Variants in KCNH5 observed in about 807,000 individuals in gnomAD.
KCNH5 encodes potassium voltage-gated channel subfamily H member 5, also known as voltage-gated delayed rectifier potassium channel KCNH5.
Under a neutral mutation model 96.1 loss-of-function variants are expected in KCNH5, and 46 were observed. The ratio of observed to expected loss-of-function variants is 0.48; its 90% CI spans 0.38 to 0.61. The LOEUF (loss-of-function observed/expected upper bound fraction) is 0.61, where lower values mean the gene tolerates loss of function less well. Ranked by LOEUF, KCNH5 falls within the 20% of genes least tolerant of loss-of-function variation. KCNH5 has a pLI of 0.00. For missense variants in KCNH5, 907 were observed against 1,225.8 expected (o/e 0.74, Z 3.88); for synonymous variants, 439 against 449.8 (o/e 0.98, Z 0.30).
chr14:62,727,768 A>G (rs1448554368), intron 10 of KCNH5, among the ~76,000 whole-genome samples: 3 of 148,350 alleles, frequency 2.0e-5, no homozygotes, highest in African/African-American at 7.5e-5. Flanking sequence ...CACTGCTTAC[A>G]GTCTGGTAAA....
chr14:62,863,115 C>A (rs1257779601), intron 7 of KCNH5, among the ~76,000 whole-genome samples: 1 of 152,158 alleles, frequency 6.6e-6, no homozygotes, highest in Non-Finnish European at 1.5e-5. Flanking sequence ...AAATATTAAT[C>A]ATTCATCTTG....
intron 7 of KCNH5, among the ~76,000 whole-genome samples, chr14:62,870,566 T>G (rs912617946): frequency 6.6e-6 from 1 of 152,230 alleles, no homozygotes; most frequent in Non-Finnish European, 1.5e-5. Flanking sequence ...TAAGTTTTAT[T>G]CTATTTATAA....
intron 6 of KCNH5, among the ~76,000 whole-genome samples, chr14:62,961,212 C>T (rs1249333362): frequency 1.3e-5 from 2 of 152,138 alleles, no homozygotes; most frequent in Non-Finnish European, 2.9e-5. Flanking sequence ...TTAACACAAC[C>T]TACCCCTGCC....
At chr14:62,825,680 A>G (rs1475194315) in intron 8 of KCNH5, among the ~76,000 whole-genome samples, 1 of 152,140 alleles carries the variant, frequency 6.6e-6, no homozygotes, top group Non-Finnish European at 1.5e-5. Context: ...TTTAAAATAT[A>G]GTCTATATAT....
At chr14:63,019,130 T>C (rs1471864303) in intron 1 of KCNH5, among the ~76,000 whole-genome samples, 1 of 151,454 alleles carries the variant, frequency 6.6e-6, no homozygotes, top group African/African-American at 2.4e-5. Context: ...ACACATGTTA[T>C]TGGACGATAT....
At chr14:62,750,373 T>G (rs753668136) in intron 10 of KCNH5, among the ~76,000 whole-genome samples, 29 of 152,206 alleles carry the variant, frequency 1.9e-4, no homozygotes, top group Admixed American at 1.4e-3. Context: ...TTTGCTGTCA[T>G]TGACAAGCCA....
At chr14:62,816,734 G>A (rs1343407918) in intron 8 of KCNH5, among the ~76,000 whole-genome samples, 5 of 151,874 alleles carry the variant, frequency 3.3e-5, no homozygotes, top group South Asian at 4.2e-4. Flanking sequence ...AAATATAATT[G>A]ACATATAGTA....
At chr14:62,858,531 C>A (rs1389876844) in intron 7 of KCNH5, among the ~76,000 whole-genome samples, 1 of 152,184 alleles carries the variant, frequency 6.6e-6, no homozygotes, top group Non-Finnish European at 1.5e-5. Flanking sequence ...AGCCTGTTGA[C>A]TTAAAGGTAG....
chr14:62,999,641 C>T (rs191217388), intron 4 of KCNH5, among the ~76,000 whole-genome samples: 2 of 141,162 alleles, frequency 1.4e-5, no homozygotes, highest in African/African-American at 2.7e-5. Flanking sequence ...CATGTTCTCA[C>T]TCATAGATGG....
At chr14:62,758,911 T>C (rs895535532) in intron 10 of KCNH5, among the ~76,000 whole-genome samples, 3 of 152,224 alleles carry the variant, frequency 2.0e-5, no homozygotes, top group South Asian at 2.1e-4. Flanking sequence ...ATGTTCAGTT[T>C]ATTTTATATG....
At chr14:62,938,807 C>T (rs759565432) in intron 7 of KCNH5, among the ~76,000 whole-genome samples, 9 of 152,172 alleles carry the variant, frequency 5.9e-5, no homozygotes, top group Middle Eastern at 3.2e-3. Context: ...CTGACTAAAA[C>T]GTCTGTTCTA....
At chr14:62,785,402 A>T (rs1886301008) in intron 9 of KCNH5, among the ~76,000 whole-genome samples, 1 of 152,186 alleles carries the variant, frequency 6.6e-6, no homozygotes, top group African/African-American at 2.4e-5. Context: ...ACTGTACAAA[A>T]GATTTTGCAC....
chr14:62,833,562 G>A (rs1000456951), intron 8 of KCNH5, among the ~76,000 whole-genome samples: 3 of 152,030 alleles, frequency 2.0e-5, no homozygotes, highest in Admixed American at 6.5e-5. Flanking sequence ...ATCAGTAAGT[G>A]TAATGCCTTT....
In KCNH5 at chr14:62,957,297, C is replaced by T. The variant is rs149422679; in HGVS notation, c.943-6738G>A. Among the ~76,000 whole-genome samples, 135 of 152,306 alleles carry T rather than the reference C, an allele frequency of 8.9e-4. 1 individual carries two copies. Among genetic ancestry groups the T allele is most frequent in the East Asian group, 2.1e-3 (11 of 5,182 alleles). On this transcript the variant is annotated intron_variant, in intron 6 of 10. Coordinates refer to ENST00000322893, the MANE Select transcript of KCNH5 (RefSeq NM_139318.5). ...CAAATCAATTCTCTTATCTGACCGTCGCTAATAATAGCAGGTAGATAATTC... is the reference window on the plus strand; with the variant it reads ...CAAATCAATTCTCTTATCTGACCGTTGCTAATAATAGCAGGTAGATAATTC...
chr14:62,736,367 A>G (rs10131119), intron 10 of KCNH5, among the ~76,000 whole-genome samples: 15,078 of 151,782 alleles, frequency 0.099, 1,166 homozygotes, highest in African/African-American at 0.21. Context: ...TTGCTATCTT[A>G]GACAAGCCCC....
intron 4 of KCNH5, among the ~76,000 whole-genome samples, chr14:62,989,898 T>G (rs1890778183): frequency 6.6e-6 from 1 of 152,112 alleles, no homozygotes; most frequent in African/African-American, 2.4e-5. Flanking sequence ...AGTAACTATA[T>G]TAGTCATAGG....
chr14:63,038,468 A>C (rs1285439871), intron 1 of KCNH5, among the ~76,000 whole-genome samples: 1 of 152,130 alleles, frequency 6.6e-6, no homozygotes, highest in Non-Finnish European at 1.5e-5. Context: ...TTTGTACTTA[A>C]TAGTTATATT....
intron 1 of KCNH5, among the ~76,000 whole-genome samples, chr14:63,030,496 T>C (rs1476889341): frequency 1.3e-5 from 2 of 152,194 alleles, no homozygotes; most frequent in Non-Finnish European, 2.9e-5. Flanking sequence ...AGACCCTTAA[T>C]TCCAAATGGT....
intron 7 of KCNH5, among the ~76,000 whole-genome samples, chr14:62,881,352 A>T (rs1888487954): frequency 6.6e-6 from 1 of 152,100 alleles, no homozygotes. Context: ...TTTAGTAAGA[A>T]ACTTTTATCC....
Sources: gnomAD v4.1 joint callset for allele counts (sites outside exome capture counted in the v4.1 genomes callset) on GRCh38, gnomAD v4.1.1 for gene constraint, MANE v1.5 for transcripts, NCBI Gene and HGNC (gene_info 2026-07-23, HGNC 2026-07-21) for gene names.